SBSPON: variants seen among roughly 807,000 people sequenced by gnomAD.
The protein encoded by SBSPON is somatomedin-B and thrombospondin type-1 domain-containing protein.
In SBSPON, 30 loss-of-function variants were observed where a neutral mutation model predicts 35.8. The ratio of observed to expected loss-of-function variants is 0.84; its 90% confidence interval spans 0.63 to 1.14. The LOEUF (loss-of-function observed/expected upper bound fraction) is 1.14, where lower values mean the gene tolerates loss of function less well. Ranked by LOEUF, SBSPON falls within the 50% of genes most tolerant of loss-of-function variation. The pLI, the probability that SBSPON is intolerant of heterozygous loss-of-function variation, is 0.00. For missense variants in SBSPON, 364 were observed against 357.7 expected (o/e 1.02, Z -0.14); for synonymous variants, 136 against 135.9 (o/e 1.00, Z 0.00).
chr8:73,082,401 C>T (rs1400743844), intron 1 of SBSPON, among the ~76,000 whole-genome samples: 1 of 152,204 alleles, frequency 6.6e-6, no homozygotes, highest in Non-Finnish European at 1.5e-5. Flanking sequence ...AGAATTAGCA[C>T]TCTGTCTTCT....
Position 73,067,043 on chromosome 8 carries a change from CA to C in SBSPON, c.*297del, listed in dbSNP as rs932920275. On this transcript the variant is annotated 3_prime_UTR_variant, in exon 5 of 5. Transcript: ENST00000297354. Reference sequence around the variant, plus strand: ...CTGAGTTACAGTAATTTTACTTTAGCAAACAGACATGTATTCTGTGTCTCAC... The same window carrying C: ...CTGAGTTACAGTAATTTTACTTTAGCAACAGACATGTATTCTGTGTCTCAC... 6 of 230,756 alleles carry C rather than the reference CA, an allele frequency of 2.6e-5. No individual in the cohort carries two copies. Among genetic ancestry groups the C allele is most frequent in the Non-Finnish European group, 4.3e-5 (5 of 116,244 alleles). The allele number at this position is 230,756 out of a possible 1,614,324, so 14.3% of individuals were successfully genotyped here.
rs1244215927 is a variant in SBSPON at position 73,092,992 on chromosome 8, C to G, written c.76G>C (p.Gly26Arg). 1.3e-6 allele frequency: 2 copies of G among 1,529,056 alleles called. No homozygotes were observed. The highest frequency in any genetic ancestry group is 1.4e-5 in the African/African-American group (1 of 69,642). The allele number at this position is 1,529,056 out of a possible 1,614,324, so 94.7% of individuals were successfully genotyped here. ...GGGTCCCGGCCGGGACAGCAGCGCCCGGCCTCGGCGCAGCCGGCCTGGGCC... is the reference window on the plus strand; with the variant it reads ...GGGTCCCGGCCGGGACAGCAGCGCCGGGCCTCGGCGCAGCCGGCCTGGGCC... ...PGAQAGCAEA[G>R]RCCPGRDPAC... The change falls in exon 1 of 5, where the codon GGG (glycine) becomes CGG (arginine). Residue 26 changes from glycine (G) to arginine (R), a missense_variant. Coordinates refer to ENST00000297354, the MANE Select transcript of SBSPON (RefSeq NM_153225.4).
chr8:73,076,250 G>A (rs1216571317), intron 2 of SBSPON, among the ~76,000 whole-genome samples: 3 of 152,130 alleles, frequency 2.0e-5, no homozygotes, highest in African/African-American at 7.2e-5. Context: ...CCTCTCTGTG[G>A]AGGCAGAATT....
chr8:73,077,948 A>G (rs1025551537), intron 2 of SBSPON, among the ~76,000 whole-genome samples: 2 of 152,184 alleles, frequency 1.3e-5, no homozygotes, highest in Non-Finnish European at 1.5e-5. Flanking sequence ...GATTTACCCC[A>G]TATTTTCCTA....
chr8:73,082,280 C>G (rs928328242), intron 1 of SBSPON, among the ~76,000 whole-genome samples: 3 of 152,104 alleles, frequency 2.0e-5, no homozygotes, highest in Non-Finnish European at 4.4e-5. Flanking sequence ...AGGAAAGAAC[C>G]AGAAGACAGA....
chr8:73,089,490 G>A (rs1275537616), intron 1 of SBSPON, among the ~76,000 whole-genome samples: 1 of 151,806 alleles, frequency 6.6e-6, no homozygotes, highest in Admixed American at 6.6e-5. Flanking sequence ...TGGTAGGCGG[G>A]GGTTGCAATG....
chr8:73,091,136 C>A (rs1052376178), intron 1 of SBSPON, among the ~76,000 whole-genome samples: 1 of 152,196 alleles, frequency 6.6e-6, no homozygotes, highest in Admixed American at 6.5e-5. Context: ...TAGCACAGGG[C>A]CTGGCACAAG....
chr8:73,075,356 C>T (rs181527367), intron 2 of SBSPON, among the ~76,000 whole-genome samples: 1 of 152,296 alleles, frequency 6.6e-6, no homozygotes, highest in East Asian at 1.9e-4. Flanking sequence ...ACCAGCATCA[C>T]TTTTTAATAC....
intron 2 of SBSPON, among the ~76,000 whole-genome samples, chr8:73,079,675 A>G (rs1395534752): frequency 2.0e-5 from 3 of 151,786 alleles, no homozygotes; most frequent in Non-Finnish European, 4.4e-5. Context: ...GAGGGGAATC[A>G]CCTGATTACA....
chr8:73,067,739 A>C (rs1033643117), intron 4 of SBSPON, among the ~76,000 whole-genome samples: 4 of 18,204 alleles, frequency 2.2e-4, no homozygotes, highest in Non-Finnish European at 5.3e-4. Flanking sequence ...GATGGAGTTT[A>C]ACTGTGTTGC....
intron 1 of SBSPON, among the ~76,000 whole-genome samples, chr8:73,091,761 C>T (rs563484783): frequency 6.6e-6 from 1 of 152,242 alleles, no homozygotes; most frequent in South Asian, 2.1e-4. Flanking sequence ...CAACCAGGGT[C>T]AAAAAATCTT....
At chr8:73,070,840 GA>G (rs1328943937) in intron 3 of SBSPON, among the ~76,000 whole-genome samples, 1 of 152,166 alleles carries the variant, frequency 6.6e-6, no homozygotes, top group Non-Finnish European at 1.5e-5. Flanking sequence ...ATACAATTAT[GA>G]GTTGCAATAT....
intron 1 of SBSPON, among the ~76,000 whole-genome samples, chr8:73,082,903 C>T (rs1332838702): frequency 2.0e-5 from 3 of 152,326 alleles, no homozygotes; most frequent in East Asian, 1.9e-4. Flanking sequence ...TGGGCTTGAA[C>T]AACACTTAAT....
chr8:73,069,492 A>G (rs1334708439), intron 4 of SBSPON, among the ~76,000 whole-genome samples: 1 of 151,840 alleles, frequency 6.6e-6, no homozygotes, highest in East Asian at 1.9e-4. Context: ...GCTGGTCCCA[A>G]CTCCTGAGCT....
chr8:73,087,896 T>C (rs1376927674), intron 1 of SBSPON, among the ~76,000 whole-genome samples: 1 of 152,226 alleles, frequency 6.6e-6, no homozygotes, highest in Non-Finnish European at 1.5e-5. Context: ...GATTGGGATG[T>C]TATCCACCTC....
At position 73,090,222 on chromosome 8, in the gene SBSPON, G is replaced by A. The variant is rs559252841; in HGVS notation, c.214+2632C>T. ...GAGGTACTTTAGGCCCCACGAGGGT[G>A]ACTTCTCCAAAGTCACAAAGCCAAA... On this transcript the variant is annotated intron_variant, in intron 1 of 4. Transcript: ENST00000297354. Among the ~76,000 whole-genome samples the A allele has an allele frequency of 9.8e-5, 15 of 152,310 alleles. No homozygotes were observed. The South Asian group carries it at 2.9e-3, about 29-fold the overall frequency.
Position 73,073,778 on chromosome 8 carries a change from T to G in SBSPON, c.410-1908A>C, listed in dbSNP as rs192305507. Among the ~76,000 whole-genome samples the G allele has an allele frequency of 2.0e-3, 306 of 150,340 alleles. 3 individuals are homozygous for G. The highest frequency in any genetic ancestry group is 0.014 in the East Asian group (74 of 5,128). Reference sequence around the variant, plus strand: ...GAGATCACACCACTGCACTGCAGCCTGGGCAACAGAGTAAGACCATCTCAA... The same window carrying G: ...GAGATCACACCACTGCACTGCAGCCGGGGCAACAGAGTAAGACCATCTCAA... On this transcript the variant is annotated intron_variant, in intron 2 of 4. Transcript: ENST00000297354.
At chr8:73,071,217 T>G (rs1376149558) in intron 3 of SBSPON, among the ~76,000 whole-genome samples, 7 of 152,114 alleles carry the variant, frequency 4.6e-5, no homozygotes, top group Non-Finnish European at 7.4e-5. Context: ...ATGTGGTAGG[T>G]TATTAACAGT....
intron 2 of SBSPON, among the ~76,000 whole-genome samples, chr8:73,074,825 TG>T (rs1810561301): frequency 6.6e-6 from 1 of 152,208 alleles, no homozygotes; most frequent in South Asian, 2.1e-4. Context: ...CTGGGTACCA[TG>T]GCCCCTGGTA....
Sources: allele counts gnomAD v4.1 joint callset (sites outside exome capture counted in the v4.1 genomes callset), GRCh38; gene constraint gnomAD v4.1.1; transcripts MANE v1.5; gene names NCBI Gene and HGNC (gene_info 2026-07-23, HGNC 2026-07-21).